The following DYNC1I1 variants were observed in gnomAD, a reference collection of about 807,000 sequenced individuals.
DYNC1I1 encodes dynein cytoplasmic 1 intermediate chain 1, also known as cytoplasmic dynein 1 intermediate chain 1.
Under a neutral mutation model 86.6 loss-of-function variants are expected in DYNC1I1, and 43 were observed. That is an observed-to-expected ratio of 0.50 (90% CI 0.39 to 0.64). The LOEUF (loss-of-function observed/expected upper bound fraction) is 0.64. Ranked by LOEUF, DYNC1I1 falls within the 30% of genes least tolerant of loss-of-function variation. DYNC1I1 has a pLI of 0.00. For synonymous variants in DYNC1I1, 262 were observed against 283.7 expected (o/e 0.92, Z 0.77); for missense variants, 604 against 788.8 (o/e 0.77, Z 2.81).
intron 1 of DYNC1I1, among the ~76,000 whole-genome samples, chr7:95,774,644 G>C (rs1793795638): frequency 6.6e-6 from 1 of 152,144 alleles, no homozygotes; most frequent in Admixed American, 6.5e-5. Flanking sequence ...TCTCAGAGAA[G>C]GCTCTAGGGT....
rs1263377672 is a variant in DYNC1I1, at chr7:95,996,344, AT to A, written c.969+272del. 3.3e-5 allele frequency among the ~76,000 whole-genome samples: 5 copies of A among 152,330 alleles called. No homozygotes were observed. The East Asian group carries it at 9.6e-4, about 29-fold the overall frequency. On this transcript the variant is annotated intron_variant, in intron 10 of 16. Coordinates refer to ENST00000447467, the MANE Select transcript of DYNC1I1 (RefSeq NM_001135556.2). ...ATGAGTTTATAAAGACCTCGCACTT[AT>A]GAAGAAATCGTGGTGTACCACTTCC...
intron 1 of DYNC1I1, among the ~76,000 whole-genome samples, chr7:95,781,874 G>A (rs1032398310): frequency 2.6e-5 from 4 of 152,136 alleles, no homozygotes; most frequent in South Asian, 2.1e-4. Context: ...AGATGTCAAC[G>A]CTGTCAGGGA....
intron 6 of DYNC1I1, among the ~76,000 whole-genome samples, chr7:95,894,632 G>A (rs916552007): frequency 1.3e-5 from 2 of 152,196 alleles, no homozygotes; most frequent in Non-Finnish European, 2.9e-5. Context: ...TTATAACTAG[G>A]CTCAAACACA....
intron 5 of DYNC1I1, among the ~76,000 whole-genome samples, chr7:95,869,025 G>A (rs1320078467): frequency 1.3e-5 from 2 of 152,138 alleles, no homozygotes; most frequent in African/African-American, 4.8e-5. Context: ...GAGTTGGTAG[G>A]AAAACAACGG....
intron 4 of DYNC1I1, 71 bp downstream of exon 4, chr7:95,813,408 C>A (rs1794877624): frequency 1.1e-5 from 17 of 1,509,816 alleles, no homozygotes; most frequent in Non-Finnish European, 1.5e-5. Context: ...AACAACACCA[C>A]TGTTAGAATA....
chr7:95,799,809 T>C (rs962117705), intron 1 of DYNC1I1, among the ~76,000 whole-genome samples: 3 of 151,964 alleles, frequency 2.0e-5, no homozygotes, highest in African/African-American at 7.3e-5. Context: ...ATGTCCCATG[T>C]CTTTCATGTA....
intron 6 of DYNC1I1, among the ~76,000 whole-genome samples, chr7:95,915,159 G>A (rs1191093707): frequency 6.6e-6 from 1 of 152,170 alleles, no homozygotes; most frequent in African/African-American, 2.4e-5. Context: ...TGACATTTTT[G>A]TATGGTCACA....
At chr7:95,847,898 C>T (rs138783251) in intron 5 of DYNC1I1, among the ~76,000 whole-genome samples, 229 of 152,276 alleles carry the variant, frequency 1.5e-3, no homozygotes, top group African/African-American at 5.1e-3. Context: ...CAATAATCCA[C>T]CCATTATACT....
At chr7:95,916,291 A>G (rs993082864) in intron 6 of DYNC1I1, among the ~76,000 whole-genome samples, 6 of 152,210 alleles carry the variant, frequency 3.9e-5, no homozygotes, top group Admixed American at 1.3e-4. Context: ...TCCATTGCCA[A>G]TAAAAGCCTT....
intron 6 of DYNC1I1, among the ~76,000 whole-genome samples, chr7:95,927,663 A>G (rs1221518238): frequency 6.6e-6 from 1 of 152,102 alleles, no homozygotes; most frequent in Non-Finnish European, 1.5e-5. Context: ...AACATTAACA[A>G]TAGTTGAGTG....
intron 1 of DYNC1I1, among the ~76,000 whole-genome samples, chr7:95,792,673 A>C (rs80134252): frequency 0.082 from 12,424 of 151,710 alleles, 623 homozygotes; most frequent in Non-Finnish European, 0.1. Flanking sequence ...ATAAATTTGT[A>C]TGATTTTCTC....
chr7:95,869,985 G>A lies in DYNC1I1; in HGVS notation c.477G>A (p.Thr159=), dbSNP rs144939564. Reference sequence around the variant, plus strand: ...AGGAGACCCAGACTCCTCTTGCCACGCATCAGTCTGAAGGTAAACTATGTC... The same window carrying A: ...AGGAGACCCAGACTCCTCTTGCCACACATCAGTCTGAAGGTAAACTATGTC... The part of the protein sequence containing the change: ...YSKETQTPLA[T]HQSEEDEEDE... The change falls in exon 6 of 17, where the codon ACG becomes ACA. Residue 159 remains threonine (T), a synonymous_variant. Transcript: ENST00000447467. 4.0e-5 allele frequency: 64 copies of A among 1,613,046 alleles called. No homozygotes were observed. Among genetic ancestry groups the A allele is most frequent in the South Asian group, 1.4e-4 (13 of 90,864 alleles).
downstream of DYNC1I1, among the ~76,000 whole-genome samples, chr7:96,099,984 C>T (rs10441285): frequency 0.033 from 5,023 of 152,226 alleles, 249 homozygotes; most frequent in African/African-American, 0.11. Flanking sequence ...CACAGCCAGT[C>T]CACAGCCATT....
intron 5 of DYNC1I1, among the ~76,000 whole-genome samples, chr7:95,841,024 G>A (rs1011958795): frequency 4.6e-5 from 7 of 152,184 alleles, no homozygotes; most frequent in Non-Finnish European, 7.3e-5. Flanking sequence ...AGGAACTGTG[G>A]CAAATGCCTG....
chr7:95,818,432 G>C, intron 4 of DYNC1I1: 1 of 599,404 alleles, frequency 1.7e-6, no homozygotes, highest in Non-Finnish European at 3.0e-6. Context: ...TTCCTGCATA[G>C]CTAGGAGTAC....
At chr7:95,929,819 A>C (rs1421076590) in intron 6 of DYNC1I1, among the ~76,000 whole-genome samples, 1 of 152,238 alleles carries the variant, frequency 6.6e-6, no homozygotes, top group East Asian at 1.9e-4. Context: ...AGAAGCATTC[A>C]TGCTGTTGTA....
chr7:96,032,921 T>C, intron 12 of DYNC1I1, 141 bp downstream of exon 12: 1 of 646,706 alleles, frequency 1.5e-6, no homozygotes. Context: ...TGGGGCCTGC[T>C]TTCAGCAATC....
At chr7:95,888,333 A>C (rs1790649852) in intron 6 of DYNC1I1, among the ~76,000 whole-genome samples, 1 of 152,136 alleles carries the variant, frequency 6.6e-6, no homozygotes, top group African/African-American at 2.4e-5. Context: ...GCTACTTGGG[A>C]GGCTGAGGTG....
intron 10 of DYNC1I1, among the ~76,000 whole-genome samples, chr7:96,024,125 A>G (rs894036665): frequency 2.0e-5 from 3 of 152,204 alleles, no homozygotes; most frequent in Non-Finnish European, 4.4e-5. Context: ...GGCCACATCA[A>G]TGAAATCAAT....
Sources: allele counts gnomAD v4.1 joint callset (sites outside exome capture counted in the v4.1 genomes callset), GRCh38; gene constraint gnomAD v4.1.1; transcripts MANE v1.5; gene names NCBI Gene and HGNC (gene_info 2026-07-23, HGNC 2026-07-21).